Variants in AK8 observed in about 807,000 individuals in gnomAD.
AK8 encodes the protein ATP-AMP transphosphorylase 8.
A neutral mutation model predicts 54.6 loss-of-function variants in AK8; 44 were observed. The ratio of observed to expected loss-of-function variants is 0.81; its 90% CI spans 0.63 to 1.04. The LOEUF is 1.04. Among genes scored for constraint, AK8 ranks in the 50% least tolerant of loss-of-function variants. The pLI is 0.00. For synonymous variants in AK8, 239 were observed against 245.6 expected (o/e 0.97, Z 0.25); for missense variants, 555 against 613.6 (o/e 0.90, Z 1.01).
chr9:132,798,822 T>C (rs1840304454), intron 10 of AK8, among the ~76,000 whole-genome samples: 1 of 152,078 alleles, frequency 6.6e-6, no homozygotes, highest in Non-Finnish European at 1.5e-5. Context: ...TGGGGGTAGA[T>C]GGGGATCCAT....
chr9:132,756,988 T>A (rs539631889), intron 11 of AK8, among the ~76,000 whole-genome samples: 1 of 152,364 alleles, frequency 6.6e-6, no homozygotes, highest in South Asian at 2.1e-4. Flanking sequence ...ATTGCCTCTC[T>A]ATCATGATCA....
intron 9 of AK8, among the ~76,000 whole-genome samples, chr9:132,815,558 AAAAAAG>A (rs911133639): frequency 3.3e-5 from 5 of 152,082 alleles, no homozygotes; most frequent in African/African-American, 4.8e-5. Flanking sequence ...GTTTCAAAAA[AAAAAAG>A]AAAAAGAAAA....
chr9:132,859,089 C>T (rs1252010564), intron 4 of AK8, among the ~76,000 whole-genome samples: 1 of 152,140 alleles, frequency 6.6e-6, no homozygotes, highest in Non-Finnish European at 1.5e-5. Flanking sequence ...AGTTCAGCCT[C>T]AAGAAATGGG....
chr9:132,735,206 C>A (rs1297107434), intron 11 of AK8, among the ~76,000 whole-genome samples: 1 of 152,070 alleles, frequency 6.6e-6, no homozygotes, highest in Non-Finnish European at 1.5e-5. Context: ...ATCCCCTGAC[C>A]CACCCTGGTA....
chr9:132,850,641 G>T (rs1842937167), intron 5 of AK8, among the ~76,000 whole-genome samples: 1 of 151,490 alleles, frequency 6.6e-6, no homozygotes, highest in African/African-American at 2.4e-5. Context: ...CAGGTGATCC[G>T]CCCGCCTCGC....
At chr9:132,795,824 G>T (rs1248326700) in intron 10 of AK8, among the ~76,000 whole-genome samples, 1 of 152,222 alleles carries the variant, frequency 6.6e-6, no homozygotes, top group Non-Finnish European at 1.5e-5. Flanking sequence ...CTGATGGTTT[G>T]ACCGGGCCTA....
intron 11 of AK8, among the ~76,000 whole-genome samples, chr9:132,747,734 C>A (rs1223350094): frequency 6.7e-6 from 1 of 149,128 alleles, no homozygotes; most frequent in Non-Finnish European, 1.5e-5. Context: ...CCTGGCCTTA[C>A]TTTATATGTC....
chr9:132,773,689 T>C (rs986624823), intron 11 of AK8, among the ~76,000 whole-genome samples: 4 of 152,212 alleles, frequency 2.6e-5, no homozygotes, highest in African/African-American at 9.6e-5. Flanking sequence ...AGCCCATAGA[T>C]GGCAAAGCCA....
chr9:132,774,977 T>C (rs956466340), intron 11 of AK8, among the ~76,000 whole-genome samples: 4 of 152,144 alleles, frequency 2.6e-5, no homozygotes, highest in African/African-American at 9.7e-5. Flanking sequence ...TTGTAAACCT[T>C]AAAGGTAGGC....
chr9:132,855,420 A>G (rs1432069520), intron 4 of AK8, among the ~76,000 whole-genome samples: 1 of 149,892 alleles, frequency 6.7e-6, no homozygotes, highest in Non-Finnish European at 1.5e-5. Flanking sequence ...GACTCCAGAC[A>G]GTGGCGGGTG....
At chr9:132,773,100 C>T (rs1839059039) in intron 11 of AK8, among the ~76,000 whole-genome samples, 1 of 152,222 alleles carries the variant, frequency 6.6e-6, no homozygotes, top group Non-Finnish European at 1.5e-5. Context: ...GGTCTATGGT[C>T]TCCTGTGACC....
In AK8 at chr9:132,860,538, T is replaced by G. The variant is rs898452234; in HGVS notation, c.333+3127A>C. 2.6e-5 allele frequency among the ~76,000 whole-genome samples: 4 copies of G among 152,176 alleles called. No individual in the cohort carries two copies. The highest frequency in any genetic ancestry group is 7.2e-5 in the African/African-American group (3 of 41,452). ...TCCAGGCATGCCTGAAGGAGGCTGC[T>G]GCTGGGGAGCTGGAGGTGTCTCTCT... On this transcript the variant is annotated intron_variant, in intron 4 of 12. Transcript: ENST00000298545. The surrounding 1 kb of genome is among the most constrained non-coding windows in gnomAD (Gnocchi z 4.4).
At chr9:132,877,543 A>C (rs1844179106) in intron 1 of AK8, among the ~76,000 whole-genome samples, 1 of 152,170 alleles carries the variant, frequency 6.6e-6, no homozygotes, top group African/African-American at 2.4e-5. Flanking sequence ...AAAAGGGAAA[A>C]CTGGGGCCCT....
At chr9:132,744,052 T>C (rs1184155169) in intron 11 of AK8, among the ~76,000 whole-genome samples, 2 of 152,208 alleles carry the variant, frequency 1.3e-5, no homozygotes, top group Non-Finnish European at 2.9e-5. Context: ...GGGTTGACCC[T>C]GCTTATGTGC....
intron 11 of AK8, among the ~76,000 whole-genome samples, chr9:132,759,706 C>T (rs1307336716): frequency 6.6e-6 from 1 of 152,190 alleles, no homozygotes; most frequent in African/African-American, 2.4e-5. Context: ...ATCTCTTCCC[C>T]CTGATCCGTG....
intron 11 of AK8, among the ~76,000 whole-genome samples, chr9:132,757,379 A>G (rs1183158043): frequency 6.6e-6 from 1 of 152,230 alleles, no homozygotes; most frequent in Non-Finnish European, 1.5e-5. Context: ...TGAAGAAGAC[A>G]AGGAGAAAAA....
chr9:132,746,128 G>A (rs754559376), intron 11 of AK8, among the ~76,000 whole-genome samples: 10 of 152,206 alleles, frequency 6.6e-5, no homozygotes, highest in South Asian at 4.1e-4. Context: ...CATCGGAGCC[G>A]CGCAGCCAAC....
At chr9:132,858,283 C>G (rs998779442) in intron 4 of AK8, among the ~76,000 whole-genome samples, 3 of 152,260 alleles carry the variant, frequency 2.0e-5, no homozygotes, top group Non-Finnish European at 4.4e-5. Context: ...CCTAGCCCTC[C>G]AAGGTGCCGC....
intron 5 of AK8, among the ~76,000 whole-genome samples, chr9:132,836,214 G>A (rs1192355524): frequency 2.0e-5 from 3 of 152,170 alleles, no homozygotes; most frequent in East Asian, 3.9e-4. Flanking sequence ...ACTTGAGTCC[G>A]GGAGTTCGAG....
Sources: gnomAD v4.1 joint callset for allele counts (sites outside exome capture counted in the v4.1 genomes callset) on GRCh38, gnomAD v4.1.1 for gene constraint, Gnocchi (gnomAD v3.1) non-coding constraint, MANE v1.5 for transcripts, NCBI Gene and HGNC (gene_info 2026-07-23, HGNC 2026-07-21) for gene names.